FRMD4B: variants seen among roughly 807,000 people sequenced by gnomAD.
FRMD4B encodes FERM domain-containing protein 4B.
A neutral mutation model predicts 141.5 loss-of-function variants in FRMD4B; 74 were observed. That is an observed-to-expected ratio of 0.52 (90% confidence interval 0.43 to 0.63). The LOEUF (loss-of-function observed/expected upper bound fraction) is 0.63. FRMD4B is among the 30% of genes least tolerant of loss of function. The pLI, the probability that FRMD4B is intolerant of heterozygous loss-of-function variation, is 0.00. For synonymous variants in FRMD4B, 506 were observed against 467.9 expected (o/e 1.08, Z -1.05); for missense variants, 1,366 against 1,253.4 (o/e 1.09, Z -1.36).
At chr3:69,365,345 T>G (rs1321211372) in intron 1 of FRMD4B, among the ~76,000 whole-genome samples, 2 of 152,118 alleles carry the variant, frequency 1.3e-5, no homozygotes, top group Non-Finnish European at 2.9e-5. Context: ...TTAAGAAAGT[T>G]ATGGAAATTG....
At chr3:69,351,201 G>A (rs934430338) in intron 1 of FRMD4B, among the ~76,000 whole-genome samples, 1 of 152,084 alleles carries the variant, frequency 6.6e-6, no homozygotes, top group Non-Finnish European at 1.5e-5. Context: ...TTAATGTATA[G>A]TTTACCTGTA....
At chr3:69,285,330 T>C (rs1398780087) in intron 5 of FRMD4B, among the ~76,000 whole-genome samples, 1 of 149,896 alleles carries the variant, frequency 6.7e-6, no homozygotes, top group East Asian at 2.0e-4. Flanking sequence ...AAAGCATTAC[T>C]ATGTGACAAG....
intron 7 of FRMD4B, among the ~76,000 whole-genome samples, chr3:69,239,548 T>C (rs1295700539): frequency 6.6e-6 from 1 of 152,312 alleles, no homozygotes; most frequent in African/African-American, 2.4e-5. Flanking sequence ...AGAAGAAATA[T>C]CATCCATAAG....
At chr3:69,365,505 G>GTTTTGTTTTGTT (rs770172318) in intron 1 of FRMD4B, among the ~76,000 whole-genome samples, 1 of 137,862 alleles carries the variant, frequency 7.3e-6, no homozygotes, top group African/African-American at 3.2e-5. Context: ...TACAACCTTT[G>GTTTTGTTTTGTT]TTTTTTTTCT....
chr3:69,249,804 T>C (rs116164975), intron 6 of FRMD4B, among the ~76,000 whole-genome samples: 3,135 of 152,300 alleles, frequency 0.021, 105 homozygotes, highest in African/African-American at 0.072. Flanking sequence ...ATGGGTTTAA[T>C]TCTTCTCCTT....
At chr3:69,389,706 A>G (rs957941971), upstream of FRMD4B, among the ~76,000 whole-genome samples, 1 of 152,198 alleles carries the variant, frequency 6.6e-6, no homozygotes, top group East Asian at 1.9e-4. Context: ...CCTCCACTCC[A>G]GGGACTGCAG....
At chr3:69,512,925 G>A (rs1706712258) in intron 1 of FRMD4B, among the ~76,000 whole-genome samples, 1 of 152,176 alleles carries the variant, frequency 6.6e-6, no homozygotes, top group Non-Finnish European at 1.5e-5. Context: ...GTCATAAGAG[G>A]AGAGTTTGTA....
chr3:69,391,523 T>A (rs1457935531), intron 2 of FRMD4B, among the ~76,000 whole-genome samples: 1 of 151,876 alleles, frequency 6.6e-6, no homozygotes, highest in Non-Finnish European at 1.5e-5. Flanking sequence ...CTTGCGATAG[T>A]TTGCTCAGAA....
At chr3:69,386,215 G>C (rs914462283), upstream of FRMD4B, 1 of 474,430 alleles carries the variant, frequency 2.1e-6, no homozygotes, top group Non-Finnish European at 3.8e-6. Flanking sequence ...CAGAAGCCCA[G>C]TGTCCACCCC....
chr3:69,456,087 GTGAGCTTTCCATCACTTATATAGGGA>G (rs1349224681), intron 1 of FRMD4B, among the ~76,000 whole-genome samples: 2 of 152,186 alleles, frequency 1.3e-5, no homozygotes, highest in Non-Finnish European at 2.9e-5. Context: ...TAAAGAACTT[GTGAGCTTTCCATCACTTATATAGGGA>G]TTGAATCACA....
intron 1 of FRMD4B, among the ~76,000 whole-genome samples, chr3:69,479,592 G>A (rs1202987064): frequency 6.6e-6 from 1 of 152,176 alleles, no homozygotes; most frequent in African/African-American, 2.4e-5. Context: ...AGTCTGATGG[G>A]CTTCCCTTTG....
chr3:69,381,314 T>C, intron 1 of FRMD4B, among the ~76,000 whole-genome samples: 1 of 152,366 alleles, frequency 6.6e-6, no homozygotes, highest in African/African-American at 2.4e-5. Flanking sequence ...AGCCTGACAA[T>C]AATGTTGTTG....
In FRMD4B at chr3:69,193,750, A is replaced by T; in HGVS notation, c.1612T>A (p.Tyr538Asn). 1 of 1,613,636 alleles carries T rather than the reference A, an allele frequency of 6.2e-7. No individual in the cohort carries two copies. Among genetic ancestry groups the T allele is most frequent in the Middle Eastern group, 1.6e-4 (1 of 6,062 alleles). The change falls in exon 17 of 23, where the codon TAC becomes AAC. Residue 538 changes from tyrosine to asparagine, a missense_variant. Physicochemically the swap from Tyr to Asn is moderately radical, Grantham distance 143. Transcript: ENST00000398540. ...KTVKKKRKQDYTDAMKKLQEI... is the reference protein window; with the variant it reads ...KTVKKKRKQDNTDAMKKLQEI... ...TGAAGCTTTTTCATCGCATCTGTGT[A>T]ATCTTGCTTTCGCTTTTTCTTCACA...
In FRMD4B at chr3:69,196,879, G is replaced by A. The variant is rs1373346043; in HGVS notation, c.1092+21C>T. The A allele has an allele frequency of 2.5e-6, 4 of 1,585,416 alleles. No homozygotes were observed. The South Asian group carries it at 4.4e-5, about 18-fold the overall frequency. On this transcript the variant is annotated intron_variant, in intron 13 of 22. Coordinates refer to ENST00000398540, the MANE Select transcript of FRMD4B (RefSeq NM_015123.3). ...TGCAAAAGGGGAATCTGTCCCTATAGAAATGATGCCAGTTACTTACTTTGC... is the reference window on the plus strand; with the variant it reads ...TGCAAAAGGGGAATCTGTCCCTATAAAAATGATGCCAGTTACTTACTTTGC...
At chr3:69,209,143 C>CA (rs372843775) in intron 11 of FRMD4B, among the ~76,000 whole-genome samples, 4,359 of 108,602 alleles carry the variant, frequency 0.04, 201 homozygotes, top group African/African-American at 0.12. Flanking sequence ...GAATCCATCT[C>CA]AAAAAAAAAA....
intron 7 of FRMD4B, among the ~76,000 whole-genome samples, chr3:69,226,976 A>G (rs1387765909): frequency 6.6e-6 from 1 of 152,176 alleles, no homozygotes; most frequent in East Asian, 1.9e-4. Context: ...GGCATTTAAT[A>G]CATGTCTGCT....
chr3:69,284,844 G>C (rs1367558069), intron 5 of FRMD4B, among the ~76,000 whole-genome samples: 10 of 152,102 alleles, frequency 6.6e-5, no homozygotes. Context: ...ATGTAAAAAG[G>C]ATCCAAATCA....
At chr3:69,472,800 G>A (rs1184495059) in intron 1 of FRMD4B, among the ~76,000 whole-genome samples, 1 of 152,130 alleles carries the variant, frequency 6.6e-6, no homozygotes, top group Non-Finnish European at 1.5e-5. Flanking sequence ...ATGGGGACTT[G>A]CCATGGGTCA....
intron 1 of FRMD4B, among the ~76,000 whole-genome samples, chr3:69,513,348 A>G (rs1706719428): frequency 6.6e-6 from 1 of 152,184 alleles, no homozygotes; most frequent in African/African-American, 2.4e-5. Context: ...TCAAGACTGA[A>G]TCATGAAGAA....
Sources: gnomAD v4.1 joint callset for allele counts (sites outside exome capture counted in the v4.1 genomes callset) on GRCh38, gnomAD v4.1.1 for gene constraint, MANE v1.5 for transcripts, NCBI Gene and HGNC (gene_info 2026-07-23, HGNC 2026-07-21) for gene names.